XPC: variants seen among roughly 807,000 people sequenced by gnomAD.
XPC encodes XPC complex subunit, DNA damage recognition and repair factor, also known as DNA repair protein complementing XP-C cells.
A neutral mutation model predicts 95.8 loss-of-function variants in XPC; 76 were observed. The ratio of observed to expected loss-of-function variants is 0.79; its 90% confidence interval spans 0.66 to 0.96. The LOEUF (loss-of-function observed/expected upper bound fraction) is 0.96, where lower values mean the gene tolerates loss of function less well. XPC is among the 40% of genes least tolerant of loss of function. XPC has a pLI of 0.00. For synonymous variants in XPC, 442 were observed against 442.1 expected (o/e 1.00, Z 0.00); for missense variants, 1,146 against 1,179.8 (o/e 0.97, Z 0.42).
At chr3:14,151,792 AG>A (rs1246750106) in intron 11 of XPC, 3 of 155,148 alleles carry the variant, frequency 1.9e-5, no homozygotes, top group Non-Finnish European at 2.8e-5. Context: ...GCTTTAAGGC[AG>A]AGCCTGGGAT....
rs3731152 is a variant in XPC at position 14,152,384 on chromosome 3, G to A, written c.2066C>T (p.Thr689Met). Residue 689 changes from threonine to methionine, a missense_variant, in exon 11 of 16, where the codon ACG (threonine) becomes ATG (methionine). Physicochemically the swap from Thr to Met is moderately conservative, Grantham distance 81. Transcript: ENST00000285021. Reference protein sequence around the residue: ...DCVHTLHSRDTWLKKARVVRL... With the variant: ...DCVHTLHSRDMWLKKARVVRL... ...CACCACTCTTGCTTTCTTCAGCCACGTGTCCCTGGAATGCAGAGTGTGCAC... is the reference window on the plus strand; with the variant it reads ...CACCACTCTTGCTTTCTTCAGCCACATGTCCCTGGAATGCAGAGTGTGCAC... The A allele has an allele frequency of 5.6e-4, 906 of 1,613,142 alleles. 11 individuals carry two copies. In the African/African-American group the frequency reaches 0.011, roughly 20 times the overall value.
chr3:14,159,668 A>C, intron 8 of XPC, 73 bp downstream of exon 8: 2 of 1,376,850 alleles, frequency 1.5e-6, no homozygotes, highest in East Asian at 2.5e-5. Flanking sequence ...AAAATATAAT[A>C]ATGATCAATT....
At position 14,168,792 on chromosome 3, in the gene XPC, T is replaced by G. The variant is rs188141815; in HGVS notation, c.413-412A>C. ...TTACCACAATAACAATTAGCACAAT[T>G]TGCTTTGTATAGAGTCATGACTCAG... On this transcript the variant is annotated intron_variant, in intron 3 of 15. Coordinates refer to ENST00000285021, the MANE Select transcript of XPC (RefSeq NM_004628.5). Among the ~76,000 whole-genome samples, 3 of 152,304 alleles carry G rather than the reference T, an allele frequency of 2.0e-5. No individual in the cohort carries two copies. The East Asian group carries it at 5.8e-4, about 29-fold the overall frequency.
intron 11 of XPC, among the ~76,000 whole-genome samples, chr3:14,152,054 T>A (rs1327604992): frequency 6.6e-6 from 1 of 152,176 alleles, no homozygotes; most frequent in Non-Finnish European, 1.5e-5. Flanking sequence ...AATTCCAACC[T>A]GTAGAACCTT....
chr3:14,174,747 A>G (rs537177781), intron 1 of XPC, among the ~76,000 whole-genome samples: 2 of 152,218 alleles, frequency 1.3e-5, no homozygotes, highest in African/African-American at 4.8e-5. Context: ...TGCAAAGTTG[A>G]TTTTACAGTA....
At chr3:14,153,058 G>C (rs892357429) in intron 10 of XPC, 2 of 152,208 alleles carry the variant, frequency 1.3e-5, no homozygotes, top group African/African-American at 4.8e-5. Flanking sequence ...CCCTTGCCAA[G>C]CCATTTTTAA....
chr3:14,147,496 T>C, intron 14 of XPC, 117 bp from the exon 15 acceptor site: 1 of 980,182 alleles, frequency 1.0e-6, no homozygotes, highest in Non-Finnish European at 1.5e-6. Context: ...GAATATAGCC[T>C]CTCCTTCACA....
chr3:14,152,703 A>C, intron 10 of XPC: 1 of 335,406 alleles, frequency 3.0e-6, no homozygotes, highest in Non-Finnish European at 5.5e-6. Flanking sequence ...TGCTGTCCAG[A>C]GCCTGTGAGA....
At chr3:14,160,152 T>C (rs1232835700) in intron 7 of XPC, among the ~76,000 whole-genome samples, 1 of 152,230 alleles carries the variant, frequency 6.6e-6, no homozygotes, top group African/African-American at 2.4e-5. Context: ...AAAGCATCCA[T>C]ATACTGGGTT....
At chr3:14,178,132 T>A (rs2125052683) in intron 1 of XPC, among the ~76,000 whole-genome samples, 1 of 152,374 alleles carries the variant, frequency 6.6e-6, no homozygotes, top group East Asian at 1.9e-4. Context: ...TCACTCTACG[T>A]CCTGGTCCGT....
At chr3:14,168,413 G>C in intron 3 of XPC, 33 bp from the exon 4 acceptor site, 3 of 1,611,752 alleles carry the variant, frequency 1.9e-6, no homozygotes, top group East Asian at 2.2e-5. Flanking sequence ...ATCAGTAATA[G>C]TAATAACAAT....
Position 14,158,692 on chromosome 3 carries a change from G to C in XPC, c.1191C>G (p.Ser397=), listed in dbSNP as rs373780103. The change falls in exon 9 of 16, where the codon TCC becomes TCG. Residue 397 remains serine (S), a synonymous_variant. Transcript: ENST00000285021. The surrounding 1 kb of genome is among the most constrained non-coding windows in gnomAD (Gnocchi z 5.2). ...CTGGGCCCTCATCTTCCTCGCTGGA[G>C]GAGGGCTTGCTCCGTTTCTTTCTGC... is the stretch of plus-strand genomic sequence containing the variant. The part of the protein sequence containing the change: ...KGGRKKRSKP[S]SSEEDEGPGD... 3 of 1,613,776 alleles carry C rather than the reference G, an allele frequency of 1.9e-6. No homozygotes were observed. Among genetic ancestry groups the C allele is most frequent in the Non-Finnish European group, 2.5e-6 (3 of 1,179,892 alleles).
intron 7 of XPC, among the ~76,000 whole-genome samples, chr3:14,162,224 C>T (rs567542306): frequency 1.3e-5 from 2 of 152,288 alleles, no homozygotes; most frequent in South Asian, 4.1e-4. Flanking sequence ...CCAAATTAAT[C>T]TACAGATCAG....
intron 8 of XPC, 70 bp downstream of exon 8, chr3:14,159,671 G>A: frequency 7.2e-7 from 1 of 1,397,952 alleles, no homozygotes. Context: ...ATATAATAAT[G>A]ATCAATTTTT....
chr3:14,173,208 A>G, intron 1 of XPC, 146 bp from the exon 2 acceptor site: 2 of 729,696 alleles, frequency 2.7e-6, no homozygotes, highest in Non-Finnish European at 4.1e-6. Flanking sequence ...CTGGTCAGCA[A>G]CCAGCTCTCA....
At chr3:14,153,319 G>C (rs1188427681) in intron 10 of XPC, 1 of 152,230 alleles carries the variant, frequency 6.6e-6, no homozygotes, top group African/African-American at 2.4e-5. Context: ...AAGTCCAGTG[G>C]TTTGATTCAA....
chr3:14,160,843 C>T (rs1478045726), intron 7 of XPC, among the ~76,000 whole-genome samples: 1 of 152,202 alleles, frequency 6.6e-6, no homozygotes, highest in East Asian at 1.9e-4. Context: ...ACTAAGTGTT[C>T]ACCACTAGCT....
intron 5 of XPC, among the ~76,000 whole-genome samples, chr3:14,166,788 T>C (rs1267552829): frequency 6.6e-6 from 1 of 152,154 alleles, no homozygotes; most frequent in Non-Finnish European, 1.5e-5. Context: ...CAAGTCTCTA[T>C]CCCCACCATG....
At chr3:14,157,903 C>A (rs947679205) in intron 9 of XPC, 108 bp downstream of exon 9, 3 of 1,406,384 alleles carry the variant, frequency 2.1e-6, no homozygotes, top group Non-Finnish European at 1.9e-6. Flanking sequence ...ATGAGACAAC[C>A]CATTAAAAAC....
Sources: gnomAD v4.1 joint callset for allele counts (sites outside exome capture counted in the v4.1 genomes callset) on GRCh38, gnomAD v4.1.1 for gene constraint, Gnocchi (gnomAD v3.1) non-coding constraint, MANE v1.5 for transcripts, NCBI Gene and HGNC (gene_info 2026-07-23, HGNC 2026-07-21) for gene names.